Variants in TECPR1 observed in about 807,000 individuals in gnomAD.
TECPR1 encodes tectonin beta-propeller repeat containing 1.
TECPR1 carries 122 observed loss-of-function variants against 162.4 expected under a neutral mutation model. The ratio of observed to expected loss-of-function variants is 0.75; its 90% CI spans 0.65 to 0.87. TECPR1 has a LOEUF of 0.87. TECPR1 is among the 40% of genes least tolerant of loss of function. The pLI, the probability that TECPR1 is intolerant of heterozygous loss-of-function variation, is 0.00. For synonymous variants in TECPR1, 642 were observed against 670.6 expected (o/e 0.96, Z 0.66); for missense variants, 1,432 against 1,618.2 (o/e 0.88, Z 1.97).
rs940854020 is a variant in TECPR1, at chr7:98,216,863, CTCCT to C, written c.*523_*526del. 2 of 153,770 alleles carry C rather than the reference CTCCT, an allele frequency of 1.3e-5. No homozygotes were observed. The highest frequency in any genetic ancestry group is 4.8e-5 in the African/African-American group (2 of 41,448). 9.5% of individuals were successfully genotyped at this position (153,770 alleles called of 1,614,324 possible). ...ACAGGCGTGAGCCACGGCGCCTGGC[CTCCT>C]TCCTTCACTTTTGAAATTAAAGCCT... On this transcript the variant is annotated 3_prime_UTR_variant, in exon 26 of 26. Transcript: ENST00000447648.
At chr7:98,246,486 C>T (rs563111353) in intron 2 of TECPR1, among the ~76,000 whole-genome samples, 27 of 152,154 alleles carry the variant, frequency 1.8e-4, no homozygotes, top group East Asian at 9.7e-4. Context: ...AGGCTGGTAT[C>T]GATCTCCTGA....
intron 10 of TECPR1, 145 bp from the exon 11 acceptor site, chr7:98,234,056 G>T: frequency 8.8e-7 from 1 of 1,141,392 alleles, no homozygotes; most frequent in Non-Finnish European, 1.2e-6. Context: ...CTCTTCCTCT[G>T]TGCAAGGTAT....
rs1798606756 is a variant in TECPR1, at chr7:98,236,629, C to T, written c.1181+147G>A. 4.5e-6 allele frequency: 5 copies of T among 1,103,544 alleles called. No homozygotes were observed. The African/African-American group carries it at 4.8e-5, about 11-fold the overall frequency. 68.4% of individuals were successfully genotyped at this position (1,103,544 alleles called of 1,614,324 possible). ...GGCAGGAGGGCTTCGGCTCTTGTGG[C>T]TTTTGTGAGTGGAGACCCATTTTCT... On this transcript the variant is annotated intron_variant, in intron 10 of 25. Coordinates refer to ENST00000447648, the MANE Select transcript of TECPR1 (RefSeq NM_015395.3).
intron 3 of TECPR1, among the ~76,000 whole-genome samples, chr7:98,245,481 G>A (rs1400790190): frequency 2.0e-5 from 3 of 152,068 alleles, no homozygotes; most frequent in Non-Finnish European, 2.9e-5. Flanking sequence ...TTGGAGGGGC[G>A]GGGTGCAGGG....
intron 17 of TECPR1, among the ~76,000 whole-genome samples, chr7:98,226,932 C>CA (rs1191293676): frequency 2.0e-5 from 3 of 149,770 alleles, no homozygotes; most frequent in Non-Finnish European, 4.4e-5. Flanking sequence ...GACTGTGTCT[C>CA]AAAAAACAAA....
In TECPR1 at chr7:98,238,556, CA is replaced by C; in HGVS notation, c.987del (p.Ile329MetfsTer7). On this transcript the variant is annotated frameshift_variant, in exon 9 of 26. Coordinates refer to ENST00000447648, the MANE Select transcript of TECPR1 (RefSeq NM_015395.3). LOFTEE classifies it high-confidence loss of function. ...NSHNPCGTSW[I>X]EMVGEMTMVN... is the part of the protein sequence containing the mutation. ...ACCATCGTCATCTCACCAACCATCT[CA>C]ATCCAACTGGTGCCGCAGGGATTGT... 1 of 1,575,346 alleles carries C rather than the reference CA, an allele frequency of 6.3e-7. No homozygotes were observed. Among genetic ancestry groups the C allele is most frequent in the Admixed American group, 1.8e-5 (1 of 54,066 alleles).
rs538822682 is a variant in TECPR1 at position 98,217,434 on chromosome 7, C to T, written c.3454G>A (p.Glu1152Lys). Residue 1152 changes from glutamate (E) to lysine (K), a missense_variant, in exon 26 of 26, where the codon GAG (glutamate) becomes AAG (lysine). Transcript: ENST00000447648. ...TGGGCCTCTGGTGGGGCACTCGGCT[C>T]CTGCTCCTGGGACGAGCTCCGGGGG... ...RAPRSSSQEQ[E>K]PSAPPEAHGP... 1.1e-4 allele frequency: 169 copies of T among 1,609,130 alleles called. 1 individual carries two copies. The South Asian group carries it at 1.7e-3, about 17-fold the overall frequency.
At position 98,215,539 on chromosome 7, in the gene TECPR1, A is replaced by C; in HGVS notation, c.*1851T>G. 6.6e-6 allele frequency: 1 copy of C among 152,388 alleles called. No individual in the cohort carries two copies. The highest frequency in any genetic ancestry group is 2.4e-5 in the African/African-American group (1 of 41,590). The allele number at this position is 152,388 out of a possible 1,614,324, so 9.4% of individuals were successfully genotyped here. A position where few individuals can be genotyped will look rare whatever the true frequency, so the allele number is the denominator to read the frequency against. On this transcript the variant is annotated 3_prime_UTR_variant, in exon 26 of 26. Coordinates refer to ENST00000447648, the MANE Select transcript of TECPR1 (RefSeq NM_015395.3). ...ACTCCAGGGGAAATGCTTATTGAGT[A>C]AAGTATCCGAGGAAGTGATGCAGGG...
At chr7:98,243,019 CACCCACCT>C (rs1798806604) in intron 6 of TECPR1, among the ~76,000 whole-genome samples, 1 of 32,886 alleles carries the variant, frequency 3.0e-5, no homozygotes, top group Non-Finnish European at 9.6e-5. Flanking sequence ...TCCATCCACA[CACCCACCT>C]ATCCATCCTT....
At position 98,223,126 on chromosome 7, in the gene TECPR1, G is replaced by A; in HGVS notation, c.2792C>T (p.Pro931Leu). Residue 931 changes from proline to leucine, a missense_variant, in exon 21 of 26, where the codon CCC (proline) becomes CTC (leucine). Transcript: ENST00000447648. ...VTSGPWLEVP[P>L]IALRDVSIIP... ...GATGGACACGTCCCTGAGGGCGATG[G>A]GGGGCACCTCCAGCCAGGGCCCACT... The A allele has an allele frequency of 1.2e-6, 2 of 1,605,130 alleles. No individual in the cohort carries two copies. The highest frequency in any genetic ancestry group is 1.1e-5 in the South Asian group (1 of 89,532).
chr7:98,240,846 C>A lies in TECPR1; in HGVS notation c.933+5G>T. 1 of 1,595,884 alleles carries A rather than the reference C, an allele frequency of 6.3e-7. No homozygotes were observed. Among genetic ancestry groups the A allele is most frequent in the Non-Finnish European group, 8.5e-7 (1 of 1,174,254 alleles). On this transcript the variant is annotated splice_donor_5th_base_variant and intron_variant, in intron 8 of 25. Transcript: ENST00000447648. ...AGTGATCCCCCAGCCTCATCCCCAT[C>A]TTACCTTCCAGTCCTTGGTGACAGC...
At position 98,218,006 on chromosome 7, in the gene TECPR1, T is replaced by C. The variant is rs1798058004; in HGVS notation, c.3194A>G (p.Tyr1065Cys). ...GTGCTCCCAGCTGGAGCCCTGCGGG[T>C]AGCTGGGCGTGATCCCTTGGCGATA... ...LWYRQGITPS[Y>C]PQGSSWEHVS... The change falls in exon 24 of 26, where the codon TAC (tyrosine) becomes TGC (cysteine). Residue 1065 changes from tyrosine to cysteine, a missense_variant. Tyr to Cys is a radical substitution (Grantham distance 194, BLOSUM62 -2). Transcript: ENST00000447648. The C allele has an allele frequency of 6.4e-7, 1 of 1,567,526 alleles. No homozygotes were observed. The highest frequency in any genetic ancestry group is 1.4e-5 in the African/African-American group (1 of 73,748).
Position 98,238,624 on chromosome 7 carries a change from A to G in TECPR1, c.934-14T>C. 1 of 1,555,140 alleles carries G rather than the reference A, an allele frequency of 6.4e-7. No individual in the cohort carries two copies. ...TCGGAACCACACCTGGGGGAGTCAG[A>G]AATAAACATGCCTTCCTGGAGGGCC... On this transcript the variant is annotated splice_polypyrimidine_tract_variant and intron_variant, in intron 8 of 25. Coordinates refer to ENST00000447648, the MANE Select transcript of TECPR1 (RefSeq NM_015395.3).
chr7:98,244,928 C>A lies in TECPR1; in HGVS notation c.365G>T (p.Trp122Leu). 1 of 1,613,094 alleles carries A rather than the reference C, an allele frequency of 6.2e-7. No homozygotes were observed. Among genetic ancestry groups the A allele is most frequent in the Non-Finnish European group, 8.5e-7 (1 of 1,179,874 alleles). The change falls in exon 4 of 26, where the codon TGG becomes TTG. Residue 122 changes from tryptophan to leucine, a missense_variant. Transcript: ENST00000447648. ...ACCTCCAAAATTCTCATCCACGTAC[C>A]AGTCAGACTCCCACTCCCAGTGCGG... The part of the protein sequence containing the change: ...PSPHWEWESD[W>L]YVDENFGGEP...
chr7:98,249,148 A>C (rs575153971), intron 2 of TECPR1, among the ~76,000 whole-genome samples: 63 of 152,108 alleles, frequency 4.1e-4, no homozygotes, highest in Non-Finnish European at 8.1e-4. Context: ...AAGTGCTACG[A>C]TTACAGGCAG....
At chr7:98,250,245 G>A (rs985039838) in intron 2 of TECPR1, among the ~76,000 whole-genome samples, 2 of 151,976 alleles carry the variant, frequency 1.3e-5, no homozygotes, top group Non-Finnish European at 2.9e-5. Context: ...CTGTATGTGG[G>A]AAAATCCTCA....
rs188473444 is a variant in TECPR1 at position 98,231,279 on chromosome 7, C to T, written c.2069G>A (p.Arg690Gln). Residue 690 changes from arginine to glutamine, a missense_variant, in exon 14 of 26, where the codon CGG (arginine) becomes CAG (glutamine). Physicochemically the swap from Arg to Gln is conservative, Grantham distance 43 (BLOSUM62 1). Transcript: ENST00000447648. ...SFALYTPERT[R>Q]QRWPVRLAAA... Reference sequence around the variant, plus strand: ...AGCCAGACGCACCGGCCACCTCTGCCGTGTCCGCTCAGGGGTGTACAGGGC... The same window carrying T: ...AGCCAGACGCACCGGCCACCTCTGCTGTGTCCGCTCAGGGGTGTACAGGGC... 1.1e-4 allele frequency: 180 copies of T among 1,613,092 alleles called. No individual in the cohort carries two copies. The highest frequency in any genetic ancestry group is 2.5e-4 in the African/African-American group (19 of 75,030).
At chr7:98,227,585 C>T (rs994138823) in intron 17 of TECPR1, among the ~76,000 whole-genome samples, 2 of 151,884 alleles carry the variant, frequency 1.3e-5, no homozygotes, top group African/African-American at 4.8e-5. Context: ...CTTTGGGAGG[C>T]TAAGGTGGGC....
Position 98,217,727 on chromosome 7 carries a change from C to G in TECPR1, c.3349G>C (p.Glu1117Gln). ...VCHRTGVQPH[E>Q]PKGHGWDYGI... Reference sequence around the variant, plus strand: ...TAGTCCCAGCCGTGGCCCTTGGGCTCGTGAGGCTGCACGCCGGTGCGATGA... The same window carrying G: ...TAGTCCCAGCCGTGGCCCTTGGGCTGGTGAGGCTGCACGCCGGTGCGATGA... The change falls in exon 25 of 26, where the codon GAG becomes CAG. Residue 1117 changes from glutamate to glutamine, a missense_variant. Transcript: ENST00000447648. The G allele has an allele frequency of 1.3e-6, 2 of 1,549,702 alleles. No homozygotes were observed. The highest frequency in any genetic ancestry group is 1.7e-6 in the Non-Finnish European group (2 of 1,146,602).
Sources: gnomAD v4.1 joint callset for allele counts (sites outside exome capture counted in the v4.1 genomes callset) on GRCh38, gnomAD v4.1.1 for gene constraint, MANE v1.5 for transcripts, NCBI Gene and HGNC (gene_info 2026-07-23, HGNC 2026-07-21) for gene names.